Variants in PSD observed in about 807,000 individuals in gnomAD.
The protein encoded by PSD is PH and SEC7 domain-containing protein 1.
In PSD, 32 loss-of-function variants were observed where a neutral mutation model predicts 91.6. The ratio of observed to expected loss-of-function variants is 0.35; its 90% CI spans 0.26 to 0.47. The LOEUF is 0.47. PSD is among the 20% of genes least tolerant of loss of function. The pLI is 1.00. For missense variants in PSD, 1,099 were observed against 1,373.9 expected (o/e 0.80, Z 3.16); for synonymous variants, 532 against 569.3 (o/e 0.93, Z 0.93).
chr10:102,412,798 C>T (rs977960499), intron 5 of PSD, among the ~76,000 whole-genome samples: 19 of 152,182 alleles, frequency 1.2e-4, no homozygotes, highest in Admixed American at 5.2e-4. Context: ...AACCCACATC[C>T]GTCTTGCTGC....
Position 102,412,420 on chromosome 10 carries a change from C to G in PSD, c.1709G>C (p.Gly570Ala). Residue 570 changes from glycine to alanine, a missense_variant, in exon 6 of 17, where the codon GGC becomes GCC. Physicochemically the swap from Gly to Ala is moderately conservative, Grantham distance 60. Coordinates refer to ENST00000020673, the MANE Select transcript of PSD (RefSeq NM_002779.5). ...CCGGGCCACATCGGCCTTCCTGAAG[C>G]CATCTAGTCGGTACAGCCTCTTGGC... ...RLAKRLYRLD[G>A]FRKADVARHL... The G allele has an allele frequency of 6.2e-7, 1 of 1,614,114 alleles. No individual in the cohort carries two copies. The highest frequency in any genetic ancestry group is 8.5e-7 in the Non-Finnish European group (1 of 1,179,946).
chr10:102,409,288 T>G lies in PSD; in HGVS notation c.2091+1570A>C, dbSNP rs1166493451. 1.0e-6 allele frequency: 1 copy of G among 985,154 alleles called. No individual in the cohort carries two copies. Among genetic ancestry groups the G allele is most frequent in the Non-Finnish European group, 1.2e-6 (1 of 829,646 alleles). 61.0% of individuals were successfully genotyped at this position (985,154 alleles called of 1,614,324 possible). ...GGCGCTGTCTGCTCTGCGGCTTGGC[T>G]AGAGCGGGAGGGGGGCGCCGACGGG... On this transcript the variant is annotated intron_variant, in intron 10 of 16. Coordinates refer to ENST00000020673, the MANE Select transcript of PSD (RefSeq NM_002779.5). The surrounding 1 kb of genome is among the most constrained non-coding windows in gnomAD (Gnocchi z 5.7).
intron 3 of PSD, 99 bp from the exon 4 acceptor site, chr10:102,415,328 G>T: frequency 7.2e-7 from 1 of 1,384,828 alleles, no homozygotes; most frequent in Non-Finnish European, 9.6e-7. Flanking sequence ...ATATTGACAG[G>T]AAGTTCTTTC....
Position 102,403,917 on chromosome 10 carries a change from G to T in PSD, c.2769C>A (p.Ala923=), listed in dbSNP as rs535674029. The T allele has an allele frequency of 3.1e-6, 5 of 1,596,430 alleles. No homozygotes were observed. The highest frequency in any genetic ancestry group is 1.1e-5 in the South Asian group (1 of 88,696). ...CCCGGCCCTTCTTGCCCAGCTGGGC[G>T]GCCCGGTGCTCCCGCAGCTCACTTG... is the stretch of plus-strand genomic sequence containing the variant. ...AMASELREHR[A]AQLGKKGRGK... Residue 923 remains alanine, a synonymous_variant, in exon 16 of 17, where the codon GCC becomes GCA. Transcript: ENST00000020673. This position sits in a 1 kb window ranked among gnomAD's most constrained non-coding sequence, Gnocchi z 6.7.
At position 102,403,171 on chromosome 10, in the gene PSD, A is replaced by G. The variant is rs1279610184; in HGVS notation, c.*29T>C. 6.9e-7 allele frequency: 1 copy of G among 1,451,080 alleles called. No individual in the cohort carries two copies. Among genetic ancestry groups the G allele is most frequent in the East Asian group, 2.5e-5 (1 of 39,464 alleles). 89.9% of individuals were successfully genotyped at this position (1,451,080 alleles called of 1,614,324 possible). On this transcript the variant is annotated 3_prime_UTR_variant, in exon 17 of 17. Transcript: ENST00000020673. The surrounding 1 kb of genome is among the most constrained non-coding windows in gnomAD (Gnocchi z 6.7). ...GGGCCATGTCATCCTTCAGGTGCCC[A>G]GCAGGCACTCCCCACCCTAAACCTC...
In PSD at chr10:102,414,191, C is replaced by T. The variant is rs1373855306; in HGVS notation, c.1131G>A (p.Gly377=). Residue 377 remains glycine (G), a synonymous_variant, in exon 5 of 17, where the codon GGG becomes GGA. Transcript: ENST00000020673. The surrounding 1 kb of genome is among the most constrained non-coding windows in gnomAD (Gnocchi z 5.6). ...CAGGTGACTTGAGAGGCATCCGGCT[C>T]CCTGGCCTGCAGGGGCAGGGAGAAT... The part of the protein sequence containing the change: ...VFEASEGARP[G]SRMPLKSPVP... 11 of 1,604,804 alleles carry T rather than the reference C, an allele frequency of 6.9e-6. No homozygotes were observed. Among genetic ancestry groups the T allele is most frequent in the Non-Finnish European group, 9.4e-6 (11 of 1,174,648 alleles).
Position 102,410,713 on chromosome 10 carries a change from C to T in PSD, c.2091+145G>A. On this transcript the variant is annotated intron_variant, in intron 10 of 16. Coordinates refer to ENST00000020673, the MANE Select transcript of PSD (RefSeq NM_002779.5). The surrounding 1 kb of genome is among the most constrained non-coding windows in gnomAD (Gnocchi z 6.0). ...GCCTGGGGAGGGGGCGGTCCCCAGG[C>T]TGAGTCACGAGAGCCCGGGCTTCCG... 1.4e-6 allele frequency: 1 copy of T among 693,400 alleles called. No individual in the cohort carries two copies. Among genetic ancestry groups the T allele is most frequent in the Non-Finnish European group, 2.6e-6 (1 of 388,248 alleles). The allele number at this position is 693,400 out of a possible 1,614,324, so 43.0% of individuals were successfully genotyped here.
chr10:102,410,809 G>A lies in PSD; in HGVS notation c.2091+49C>T, dbSNP rs1269141537. On this transcript the variant is annotated intron_variant, in intron 10 of 16. Transcript: ENST00000020673. The surrounding 1 kb of genome is among the most constrained non-coding windows in gnomAD (Gnocchi z 6.0). Reference sequence around the variant, plus strand: ...GACTCTGGACTCCGTCGCCGACTGGGTCCTCCATCCTTCCCCTCCAGCGAC... The same window carrying A: ...GACTCTGGACTCCGTCGCCGACTGGATCCTCCATCCTTCCCCTCCAGCGAC... 7.0e-7 allele frequency: 1 copy of A among 1,424,104 alleles called. No homozygotes were observed. Among genetic ancestry groups the A allele is most frequent in the Admixed American group, 1.7e-5 (1 of 59,710 alleles). 88.2% of individuals were successfully genotyped at this position (1,424,104 alleles called of 1,614,324 possible). A position where few individuals can be genotyped will look rare whatever the true frequency, so the allele number is the denominator to read the frequency against.
In PSD at chr10:102,412,581, G is replaced by A. The variant is rs200611820; in HGVS notation, c.1554-6C>T. On this transcript the variant is annotated splice_region_variant and splice_polypyrimidine_tract_variant and intron_variant, in intron 5 of 16. Coordinates refer to ENST00000020673, the MANE Select transcript of PSD (RefSeq NM_002779.5). Reference sequence around the variant, plus strand: ...GCTGGCTCAGGGGTGGTTCGCTGCCGGGGTAGAACACCAGCTCAGGCTGGG... The same window carrying A: ...GCTGGCTCAGGGGTGGTTCGCTGCCAGGGTAGAACACCAGCTCAGGCTGGG... The A allele has an allele frequency of 5.4e-5, 86 of 1,606,080 alleles. 1 individual carries two copies. The African/African-American group carries it at 6.4e-4, about 12-fold the overall frequency.
At position 102,403,049 on chromosome 10, in the gene PSD, C is replaced by T. The variant is rs769956668; in HGVS notation, c.*151G>A. 2.0e-6 allele frequency: 1 copy of T among 511,610 alleles called. No individual in the cohort carries two copies. The highest frequency in any genetic ancestry group is 4.7e-5 in the South Asian group (1 of 21,320). 31.7% of individuals were successfully genotyped at this position (511,610 alleles called of 1,614,324 possible). A position where few individuals can be genotyped will look rare whatever the true frequency, so the allele number is the denominator to read the frequency against. On this transcript the variant is annotated 3_prime_UTR_variant, in exon 17 of 17. Transcript: ENST00000020673. This position sits in a 1 kb window ranked among gnomAD's most constrained non-coding sequence, Gnocchi z 6.7. ...TAGCCTAGGCTCCTGAGGCCCAGGC[C>T]CCAGCCCTGCCCTGCCCCGGACACC...
In PSD at chr10:102,413,942, T is replaced by G. The variant is rs1233801916; in HGVS notation, c.1380A>C (p.Pro460=). ...APRPDPPAPA[P]LAPLEPDSGT... is the part of the protein sequence containing the mutation. ...CAGAATCCGGTTCAAGAGGGGCAAG[T>G]GGGGCGGGAGCTGGTGGGTCGGGCC... Residue 460 remains proline, a synonymous_variant, in exon 5 of 17, where the codon CCA becomes CCC. Coordinates refer to ENST00000020673, the MANE Select transcript of PSD (RefSeq NM_002779.5). The G allele has an allele frequency of 6.3e-7, 1 of 1,591,428 alleles. No individual in the cohort carries two copies. Among genetic ancestry groups the G allele is most frequent in the Non-Finnish European group, 8.5e-7 (1 of 1,170,582 alleles).
chr10:102,403,505 G>A lies in PSD; in HGVS notation c.2845-75C>T. On this transcript the variant is annotated intron_variant, in intron 16 of 16. Coordinates refer to ENST00000020673, the MANE Select transcript of PSD (RefSeq NM_002779.5). This position sits in a 1 kb window ranked among gnomAD's most constrained non-coding sequence, Gnocchi z 6.7. ...CACCCCACCATCTGGACCAGGGAGG[G>A]CCGCCAGCAGGGCAGAAGATGGCAG... The A allele has an allele frequency of 7.2e-7, 1 of 1,393,110 alleles. No individual in the cohort carries two copies. Among genetic ancestry groups the A allele is most frequent in the East Asian group, 2.5e-5 (1 of 40,552 alleles). 86.3% of individuals were successfully genotyped at this position (1,393,110 alleles called of 1,614,324 possible). A position where few individuals can be genotyped will look rare whatever the true frequency, so the allele number is the denominator to read the frequency against.
At chr10:102,411,868 C>T (rs531711218) in intron 7 of PSD, 49 bp from the exon 8 acceptor site, 1 of 1,392,100 alleles carries the variant, frequency 7.2e-7, no homozygotes, top group African/African-American at 1.4e-5. Flanking sequence ...AGTTTCCAGC[C>T]TCTGTCTCTG....
chr10:102,414,770 C>CCCAGGCCCTTTGAG lies in PSD; in HGVS notation c.1124+79_1124+92dup. On this transcript the variant is annotated intron_variant, in intron 4 of 16. Transcript: ENST00000020673. This position sits in a 1 kb window ranked among gnomAD's most constrained non-coding sequence, Gnocchi z 5.6. ...CCGCCAGCCCCACACCCATCTCTAT[C>CCCAGGCCCTTTGAG]CCAGGCCCTTTGAGCCCGGCTCTGC... The CCCAGGCCCTTTGAG allele has an allele frequency of 6.9e-7, 1 of 1,451,410 alleles. No individual in the cohort carries two copies. The highest frequency in any genetic ancestry group is 9.1e-7 in the Non-Finnish European group (1 of 1,098,712). The allele number at this position is 1,451,410 out of a possible 1,614,324, so 89.9% of individuals were successfully genotyped here.
chr10:102,408,621 G>C (rs149305158), intron 10 of PSD, among the ~76,000 whole-genome samples: 1 of 152,198 alleles, frequency 6.6e-6, no homozygotes, highest in Non-Finnish European at 1.5e-5. Flanking sequence ...GACCCCCTTC[G>C]GCCCACCATC....
upstream of PSD, chr10:102,419,903 G>C: frequency 1.2e-5 from 3 of 244,858 alleles, no homozygotes; most frequent in Non-Finnish European, 2.5e-5. The surrounding 1 kb of genome is among the most constrained non-coding windows in gnomAD (Gnocchi z 4.8). Flanking sequence ...GTCTCTCCCC[G>C]CTGCTAGCTT....
chr10:102,411,510 T>C (rs1336218651), intron 8 of PSD, among the ~76,000 whole-genome samples, 197 bp downstream of exon 8: 1 of 152,222 alleles, frequency 6.6e-6, no homozygotes, highest in Non-Finnish European at 1.5e-5. Context: ...CCTAGCAATA[T>C]GCCTGCCCAC....
At chr10:102,406,614 TCTC>T (rs2061364306) in intron 11 of PSD, among the ~76,000 whole-genome samples, 1 of 151,992 alleles carries the variant, frequency 6.6e-6, no homozygotes, top group South Asian at 2.1e-4. Context: ...TTCACAGCAT[TCTC>T]CTGCCTCAGC....
rs914595299 is a variant in PSD, at chr10:102,403,134, C to T, written c.*66G>A. ...CCTCGTGGGTGGCCCGAGGCCGGCC[C>T]GGGCTCAGGCAGGGCCATGTCATCC... On this transcript the variant is annotated 3_prime_UTR_variant, in exon 17 of 17. Transcript: ENST00000020673. This position sits in a 1 kb window ranked among gnomAD's most constrained non-coding sequence, Gnocchi z 6.7. 3.6e-5 allele frequency: 48 copies of T among 1,320,202 alleles called. No individual in the cohort carries two copies. The highest frequency in any genetic ancestry group is 1.6e-4 in the Admixed American group (5 of 32,068). 81.8% of individuals were successfully genotyped at this position (1,320,202 alleles called of 1,614,324 possible). A position where few individuals can be genotyped will look rare whatever the true frequency, so the allele number is the denominator to read the frequency against.
Sources: gnomAD v4.1 joint callset for allele counts (sites outside exome capture counted in the v4.1 genomes callset) on GRCh38, gnomAD v4.1.1 for gene constraint, Gnocchi (gnomAD v3.1) non-coding constraint, MANE v1.5 for transcripts, NCBI Gene and HGNC (gene_info 2026-07-23, HGNC 2026-07-21) for gene names.